Variants in ITPR2 observed in about 807,000 individuals in gnomAD.
ITPR2 encodes the protein inositol 1,4,5-trisphosphate-gated calcium channel ITPR2.
In ITPR2, 207 loss-of-function variants were observed where a neutral mutation model predicts 317.1. The observed-to-expected ratio is 0.65, with a 90% CI of 0.58 to 0.73. The LOEUF is 0.73. Among genes scored for constraint, ITPR2 ranks in the 30% least tolerant of loss-of-function variants. The pLI, the probability that ITPR2 is intolerant of heterozygous loss-of-function variation, is 0.00. For missense variants in ITPR2, 2,613 were observed against 3,284.0 expected, an observed-to-expected ratio of 0.80 and a Z score of 4.99; for synonymous variants, 1,156 against 1,149.1, an observed-to-expected ratio of 1.01 and a Z score of -0.12.
chr12:26,596,993 G>C lies in ITPR2; in HGVS notation c.4144C>G (p.Leu1382Val), dbSNP rs1448479556. Reference sequence around the variant, plus strand: ...TTTTTCCCCTCTGTGCATGCTGCCAGCAACTCCACCAGGGTGATGTGGTAG... The same window carrying C: ...TTTTTCCCCTCTGTGCATGCTGCCACCAACTCCACCAGGGTGATGTGGTAG... ...LAYHITLVEL[L>V]AACTEGKNVY... The change falls in exon 31 of 57, where the codon CTG becomes GTG. Residue 1382 changes from leucine to valine, a missense_variant. This residue lies in a region of ITPR2 where 817 missense variants were observed against 897.6 expected (regional missense o/e 0.91). Coordinates refer to ENST00000381340, the MANE Select transcript of ITPR2 (RefSeq NM_002223.4). 3.1e-6 allele frequency: 5 copies of C among 1,613,678 alleles called. No individual in the cohort carries two copies. Among genetic ancestry groups the C allele is most frequent in the Non-Finnish European group, 3.4e-6 (4 of 1,179,818 alleles).
intron 1 of ITPR2, among the ~76,000 whole-genome samples, chr12:26,798,126 T>C (rs958419442): frequency 6.6e-6 from 1 of 152,082 alleles, no homozygotes; most frequent in African/African-American, 2.4e-5. Context: ...AAACTGTCCC[T>C]CCACCCCATC....
intron 35 of ITPR2, among the ~76,000 whole-genome samples, chr12:26,558,977 T>C (rs1029393916): frequency 6.6e-6 from 1 of 152,230 alleles, no homozygotes; most frequent in African/African-American, 2.4e-5. Context: ...TCATCCTTGA[T>C]TCTTCTTTCC....
chr12:26,520,577 T>C (rs1591852423), intron 37 of ITPR2, among the ~76,000 whole-genome samples: 1 of 152,306 alleles, frequency 6.6e-6, no homozygotes, highest in Non-Finnish European at 1.5e-5. Context: ...ATGGGACCTC[T>C]CATCTAAGTT....
chr12:26,464,498 C>T (rs1942119557), intron 45 of ITPR2, among the ~76,000 whole-genome samples: 1 of 152,210 alleles, frequency 6.6e-6, no homozygotes, highest in Non-Finnish European at 1.5e-5. Context: ...TCACCTCCTG[C>T]TGTGTGGCCC....
Position 26,556,575 on chromosome 12 carries a change from T to C in ITPR2, c.4822-200A>G, listed in dbSNP as rs563481721. Among the ~76,000 whole-genome samples, 48 of 146,480 alleles carry C rather than the reference T, an allele frequency of 3.3e-4. No individual in the cohort carries two copies. The East Asian group carries it at 7.8e-3, about 24-fold the overall frequency. On this transcript the variant is annotated intron_variant, in intron 35 of 56. Coordinates refer to ENST00000381340, the MANE Select transcript of ITPR2 (RefSeq NM_002223.4). ...GTCTCTATTTTTTTTTTTGTGTGTG[T>C]GTGTGTGTGTGTGTGTGTGTTTTTG...
chr12:26,390,716 T>A (rs1939807098), intron 54 of ITPR2, among the ~76,000 whole-genome samples: 1 of 152,092 alleles, frequency 6.6e-6, no homozygotes, highest in Non-Finnish European at 1.5e-5. Flanking sequence ...ATTGTACATA[T>A]TAAATGGGTG....
intron 9 of ITPR2, among the ~76,000 whole-genome samples, chr12:26,705,684 C>T (rs1356359910): frequency 6.6e-6 from 1 of 152,164 alleles, no homozygotes; most frequent in Non-Finnish European, 1.5e-5. Flanking sequence ...TTCTCATTTT[C>T]CCTAATTTGG....
At chr12:26,774,426 G>A (rs1257131800) in intron 2 of ITPR2, among the ~76,000 whole-genome samples, 1 of 152,132 alleles carries the variant, frequency 6.6e-6, no homozygotes, top group Admixed American at 6.6e-5. Flanking sequence ...ATCATTTGAG[G>A]CCAGGAGTTC....
chr12:26,488,756 A>C (rs1460969646), intron 39 of ITPR2, among the ~76,000 whole-genome samples: 1 of 152,220 alleles, frequency 6.6e-6, no homozygotes, highest in Non-Finnish European at 1.5e-5. Flanking sequence ...AGGTGGAAGG[A>C]GTTTCCAGTA....
chr12:26,408,450 A>G (rs1056614446), intron 52 of ITPR2, among the ~76,000 whole-genome samples: 29 of 152,348 alleles, frequency 1.9e-4, no homozygotes, highest in African/African-American at 6.0e-4. Flanking sequence ...AGCATCAACA[A>G]TCATGCCTGG....
intron 37 of ITPR2, among the ~76,000 whole-genome samples, chr12:26,531,930 T>C (rs1340826989): frequency 6.6e-6 from 1 of 152,218 alleles, no homozygotes; most frequent in African/African-American, 2.4e-5. Flanking sequence ...GGTTAAAATA[T>C]ACTAGAAGCA....
intron 55 of ITPR2, among the ~76,000 whole-genome samples, chr12:26,369,910 C>T (rs1939132867): frequency 6.6e-6 from 1 of 152,136 alleles, no homozygotes; most frequent in Non-Finnish European, 1.5e-5. Context: ...AATGAAACCC[C>T]TGTGAAAACT....
At chr12:26,434,846 T>C (rs546058575) in intron 48 of ITPR2, among the ~76,000 whole-genome samples, 33 of 152,318 alleles carry the variant, frequency 2.2e-4, no homozygotes, top group African/African-American at 7.9e-4. Context: ...AAGATGATAT[T>C]GATTTATCAT....
intron 49 of ITPR2, among the ~76,000 whole-genome samples, chr12:26,424,947 ACAGGGTTTTCACC>A (rs1941011640): frequency 6.6e-6 from 1 of 151,144 alleles, no homozygotes; most frequent in South Asian, 2.1e-4. Flanking sequence ...TTTAGTAGAG[ACAGGGTTTTCACC>A]ATGTTGACCA....
Position 26,410,856 on chromosome 12 carries a change from G to C in ITPR2, c.7399+464C>G, listed in dbSNP as rs141704993. Among the ~76,000 whole-genome samples the C allele has an allele frequency of 5.6e-3, 850 of 151,860 alleles. 7 individuals carry two copies. Among genetic ancestry groups the C allele is most frequent in the African/African-American group, 0.016 (673 of 41,434 alleles). On this transcript the variant is annotated intron_variant, in intron 52 of 56. Transcript: ENST00000381340. ...AAGTTTCATTCTCATTCTCTCTCTA[G>C]AGAGAGAGAGATAGGCAGGCAAGTC...
rs547610106 is a variant in ITPR2, at chr12:26,499,448, C to T, written c.5074-4188G>A. Among the ~76,000 whole-genome samples, 4 of 152,320 alleles carry T rather than the reference C, an allele frequency of 2.6e-5. No homozygotes were observed. In the South Asian group the frequency reaches 8.3e-4, roughly 32 times the overall value. Reference sequence around the variant, plus strand: ...TCTATGCCATATACTAACTGGGGATCTTAAACAAGTTACTTCATCACTCTG... The same window carrying T: ...TCTATGCCATATACTAACTGGGGATTTTAAACAAGTTACTTCATCACTCTG... On this transcript the variant is annotated intron_variant, in intron 37 of 56. Transcript: ENST00000381340.
In ITPR2 at chr12:26,655,296, C is replaced by T. The variant is rs181743375; in HGVS notation, c.2589+412G>A. Reference sequence around the variant, plus strand: ...AAATAAAATGTTTTGTACTGGACATCAAAGCACCAAATCTATCTTCTAAAA... The same window carrying T: ...AAATAAAATGTTTTGTACTGGACATTAAAGCACCAAATCTATCTTCTAAAA... On this transcript the variant is annotated intron_variant, in intron 20 of 56. Coordinates refer to ENST00000381340, the MANE Select transcript of ITPR2 (RefSeq NM_002223.4). 7.4e-4 allele frequency among the ~76,000 whole-genome samples: 112 copies of T among 152,222 alleles called. No individual in the cohort carries two copies. The Middle Eastern group carries it at 0.01, about 14-fold the overall frequency.
intron 1 of ITPR2, among the ~76,000 whole-genome samples, chr12:26,822,855 A>C (rs541120201): frequency 1.9e-3 from 297 of 152,352 alleles, no homozygotes; most frequent in African/African-American, 6.9e-3. Context: ...ATAAGCATAA[A>C]ATAGGTTCTC....
intron 36 of ITPR2, among the ~76,000 whole-genome samples, chr12:26,555,870 C>G (rs1488935265): frequency 6.6e-6 from 1 of 152,152 alleles, no homozygotes; most frequent in African/African-American, 2.4e-5. Flanking sequence ...AAAGCTAGCT[C>G]TTTTTCCTTT....
Sources: allele counts gnomAD v4.1 joint callset (sites outside exome capture counted in the v4.1 genomes callset), GRCh38; gene constraint gnomAD v4.1.1; regional missense constraint gnomAD v4.1.1; transcripts MANE v1.5; gene names NCBI Gene and HGNC (gene_info 2026-07-23, HGNC 2026-07-21).